Variants in NRG1 observed in about 807,000 individuals in gnomAD.
The protein encoded by NRG1 is neuregulin 1.
NRG1 carries 18 observed loss-of-function variants against 63.8 expected under a neutral mutation model. The observed-to-expected ratio is 0.28, with a 90% CI of 0.19 to 0.42. The LOEUF is 0.42. NRG1 is among the 10% of genes least tolerant of loss of function. The pLI is 1.00. For synonymous variants in NRG1, 302 were observed against 301.3 expected (o/e 1.00, Z -0.02); for missense variants, 762 against 814.7 (o/e 0.94, Z 0.79).
rs541727723 is a variant in NRG1 at position 32,117,427 on chromosome 8, G to A, written c.37+477996G>A. Among the ~76,000 whole-genome samples, 47 of 141,124 alleles carry A rather than the reference G, an allele frequency of 3.3e-4. No individual in the cohort carries two copies. The East Asian group carries it at 5.6e-3, about 17-fold the overall frequency. 92.6% of individuals were successfully genotyped at this position (141,124 alleles called of 152,430 possible). On this transcript the variant is annotated intron_variant, in intron 1 of 10. Coordinates refer to the NRG1 transcript ENST00000519301. ...CAAATATATACTTATTATTTCATCA[G>A]CTTAGAATGGTTTGGATAGAAAAAT...
At chr8:32,302,544 T>C (rs1425764957) in intron 1 of NRG1, among the ~76,000 whole-genome samples, 2 of 149,216 alleles carry the variant, frequency 1.3e-5, no homozygotes, top group African/African-American at 5.0e-5. Flanking sequence ...TGCCAATTTT[T>C]TTCTTTGACT....
At chr8:32,555,717 C>A (rs1242219918) in intron 1 of NRG1, among the ~76,000 whole-genome samples, 2 of 152,134 alleles carry the variant, frequency 1.3e-5, no homozygotes, top group African/African-American at 2.4e-5. Context: ...GTGATCCGCC[C>A]GCCTTGGCCT....
intron 2 of NRG1, among the ~76,000 whole-genome samples, chr8:32,599,893 G>A (rs1031114728): frequency 6.6e-6 from 1 of 152,034 alleles, no homozygotes; most frequent in Admixed American, 6.6e-5. Flanking sequence ...GGTTACATTG[G>A]ACAAATATTA....
intron 1 of NRG1, among the ~76,000 whole-genome samples, chr8:32,576,691 C>T (rs1201961210): frequency 3.3e-5 from 5 of 152,070 alleles, no homozygotes; most frequent in Non-Finnish European, 4.4e-5. Flanking sequence ...CCATACTAAC[C>T]ACCTGTATGA....
intron 1 of NRG1, among the ~76,000 whole-genome samples, chr8:31,733,161 T>TTA (rs1814283153): frequency 6.6e-6 from 1 of 151,014 alleles, no homozygotes; most frequent in East Asian, 1.9e-4. Context: ...TTTTTTTTTT[T>TTA]ATGGCTGAAT....
At chr8:32,721,663 A>T in intron 5 of NRG1, 1 of 252,850 alleles carries the variant, frequency 4.0e-6, no homozygotes, top group Non-Finnish European at 7.2e-6. Flanking sequence ...TTTTTCAAGT[A>T]CATATTTGCT....
chr8:32,141,997 G>A (rs1339712404), intron 1 of NRG1, among the ~76,000 whole-genome samples: 1 of 152,088 alleles, frequency 6.6e-6, no homozygotes, highest in Non-Finnish European at 1.5e-5. Context: ...TGCTATCCCT[G>A]AAAGTGGCTG....
intron 10 of NRG1, among the ~76,000 whole-genome samples, chr8:32,759,987 A>T (rs1830403243): frequency 6.6e-6 from 1 of 152,178 alleles, no homozygotes; most frequent in Non-Finnish European, 1.5e-5. Context: ...ACAAGTGAAT[A>T]TACTGTATCC....
At chr8:32,755,917 T>C (rs1235428947) in intron 8 of NRG1, among the ~76,000 whole-genome samples, 1 of 152,046 alleles carries the variant, frequency 6.6e-6, no homozygotes, top group East Asian at 1.9e-4. Flanking sequence ...AATTTTTGTA[T>C]TTTTTGTAGA....
intron 6 of NRG1, among the ~76,000 whole-genome samples, chr8:32,733,997 C>T (rs1029630851): frequency 1.3e-5 from 2 of 152,134 alleles, no homozygotes; most frequent in Admixed American, 1.3e-4. Context: ...CTAAGTTAAA[C>T]AGTGGAGCCA....
chr8:31,863,824 T>C (rs73578505), intron 1 of NRG1, among the ~76,000 whole-genome samples: 22,188 of 152,192 alleles, frequency 0.15, 2,013 homozygotes, highest in Non-Finnish European at 0.19. Context: ...TCAGGATAGG[T>C]TAGATATTAT....
At chr8:32,374,373 A>T (rs1408960178) in intron 1 of NRG1, among the ~76,000 whole-genome samples, 1 of 152,186 alleles carries the variant, frequency 6.6e-6, no homozygotes, top group African/African-American at 2.4e-5. Context: ...ACATTACATC[A>T]TAAAGAGATC....
At chr8:32,556,691 C>G (rs563376250) in intron 1 of NRG1, among the ~76,000 whole-genome samples, 1 of 152,176 alleles carries the variant, frequency 6.6e-6, no homozygotes, top group Non-Finnish European at 1.5e-5. Context: ...GAAAATGCAT[C>G]TCATTATTAG....
At chr8:31,720,432 G>T (rs1812797712) in intron 1 of NRG1, among the ~76,000 whole-genome samples, 1 of 152,250 alleles carries the variant, frequency 6.6e-6, no homozygotes, top group South Asian at 2.1e-4. Context: ...TCACCTAGGT[G>T]TTAAGCCCAG....
intron 1 of NRG1, among the ~76,000 whole-genome samples, chr8:31,643,668 T>C (rs1804013181): frequency 2.0e-5 from 3 of 152,242 alleles, no homozygotes; most frequent in Admixed American, 2.0e-4. Context: ...AGTCTTCACT[T>C]TTTCTGTTGC....
At chr8:31,948,251 T>A (rs1802934992) in intron 1 of NRG1, among the ~76,000 whole-genome samples, 1 of 152,208 alleles carries the variant, frequency 6.6e-6, no homozygotes, top group African/African-American at 2.4e-5. Context: ...ACCTTGCACT[T>A]TAGCTATAGA....
At chr8:32,418,290 A>T (rs948716364) in intron 1 of NRG1, among the ~76,000 whole-genome samples, 1 of 152,060 alleles carries the variant, frequency 6.6e-6, no homozygotes, top group Non-Finnish European at 1.5e-5. Context: ...TAACCAAATT[A>T]AAAAGGTAAA....
intron 1 of NRG1, among the ~76,000 whole-genome samples, chr8:32,125,878 G>T (rs1834010355): frequency 6.6e-6 from 1 of 151,882 alleles, no homozygotes; most frequent in Non-Finnish European, 1.5e-5. Flanking sequence ...TATGATTTTG[G>T]GGCTCCATAA....
At chr8:32,266,644 T>G (rs895302596) in intron 1 of NRG1, among the ~76,000 whole-genome samples, 1 of 152,120 alleles carries the variant, frequency 6.6e-6, no homozygotes, top group Non-Finnish European at 1.5e-5. Context: ...CTCAATAGAA[T>G]CTTATTGTTA....
Sources: gnomAD v4.1 joint callset for allele counts (sites outside exome capture counted in the v4.1 genomes callset) on GRCh38, gnomAD v4.1.1 for gene constraint, MANE v1.5 for transcripts, NCBI Gene and HGNC (gene_info 2026-07-23, HGNC 2026-07-21) for gene names.